FTO: variants seen among roughly 807,000 people sequenced by gnomAD.
The protein encoded by FTO is alpha-ketoglutarate-dependent dioxygenase FTO.
Under a neutral mutation model 63.9 loss-of-function variants are expected in FTO, and 47 were observed. The observed-to-expected ratio is 0.74, with a 90% CI of 0.58 to 0.94. FTO has a LOEUF of 0.94. Ranked by LOEUF, FTO falls within the 40% of genes least tolerant of loss-of-function variation. The pLI, the probability that FTO is intolerant of heterozygous loss-of-function variation, is 0.00. For synonymous variants in FTO, 207 were observed against 224.4 expected, an observed-to-expected ratio of 0.92 and a Z score of 0.69; for missense variants, 562 against 618.1, an observed-to-expected ratio of 0.91 and a Z score of 0.96.
chr16:53,706,005 G>A (rs2075609226), intron 1 of FTO, among the ~76,000 whole-genome samples: 1 of 152,110 alleles, frequency 6.6e-6, no homozygotes. Flanking sequence ...TAGGTAAATC[G>A]TGACTTGCCC....
chr16:53,712,762 T>G (rs2075805280), intron 1 of FTO, among the ~76,000 whole-genome samples: 1 of 152,150 alleles, frequency 6.6e-6, no homozygotes, highest in African/African-American at 2.4e-5. Flanking sequence ...AAAGGAGACA[T>G]TAATAAGTAT....
intron 8 of FTO, among the ~76,000 whole-genome samples, chr16:53,994,852 G>A (rs2083898616): frequency 6.6e-6 from 1 of 151,852 alleles, no homozygotes; most frequent in Admixed American, 6.6e-5. Context: ...TCGTGCCTCA[G>A]CCTCCCGAGT....
At chr16:53,868,348 C>T (rs1420395105) in intron 4 of FTO, among the ~76,000 whole-genome samples, 1 of 152,046 alleles carries the variant, frequency 6.6e-6, no homozygotes, top group African/African-American at 2.4e-5. Context: ...ATATCAATTA[C>T]ATATGTATTT....
chr16:53,793,031 G>A (rs1447759367), intron 1 of FTO, among the ~76,000 whole-genome samples: 1 of 152,176 alleles, frequency 6.6e-6, no homozygotes, highest in Admixed American at 6.5e-5. Context: ...AGAATTACTT[G>A]GAGCTGGCTC....
At chr16:53,996,977 G>A (rs1025695308) in intron 8 of FTO, among the ~76,000 whole-genome samples, 1 of 152,066 alleles carries the variant, frequency 6.6e-6, no homozygotes, top group Non-Finnish European at 1.5e-5. Context: ...GCCTGGCGTG[G>A]TGGCGGGTGC....
At chr16:53,760,488 T>A (rs1187262095) in intron 1 of FTO, among the ~76,000 whole-genome samples, 1 of 151,920 alleles carries the variant, frequency 6.6e-6, no homozygotes, top group East Asian at 1.9e-4. Flanking sequence ...TCAAGCCGTC[T>A]GCCCGCACTG....
intron 4 of FTO, among the ~76,000 whole-genome samples, chr16:53,863,639 A>G (rs1311197008): frequency 6.6e-6 from 1 of 152,172 alleles, no homozygotes; most frequent in Admixed American, 6.5e-5. Flanking sequence ...TGTGAGTATC[A>G]CAGGTTATGT....
chr16:53,813,777 C>G (rs895308382), intron 2 of FTO, among the ~76,000 whole-genome samples: 1 of 152,142 alleles, frequency 6.6e-6, no homozygotes, highest in African/African-American at 2.4e-5. Context: ...ATGTTTTATG[C>G]ATGCTCTCAC....
At chr16:54,078,768 A>G (rs1369693507) in intron 8 of FTO, among the ~76,000 whole-genome samples, 1 of 152,184 alleles carries the variant, frequency 6.6e-6, no homozygotes, top group African/African-American at 2.4e-5. Flanking sequence ...TTTAAACTCT[A>G]AAACAGAAAG....
At chr16:53,840,123 T>C (rs2079432138) in intron 3 of FTO, among the ~76,000 whole-genome samples, 1 of 152,052 alleles carries the variant, frequency 6.6e-6, no homozygotes, top group Non-Finnish European at 1.5e-5. Context: ...CTTTTTAATT[T>C]TGTGTGGACT....
chr16:53,754,509 A>G (rs1157850175), intron 1 of FTO, among the ~76,000 whole-genome samples: 1 of 152,182 alleles, frequency 6.6e-6, no homozygotes, highest in Non-Finnish European at 1.5e-5. Flanking sequence ...ACGGTGGCGG[A>G]TGCCTATAAT....
intron 8 of FTO, among the ~76,000 whole-genome samples, chr16:53,963,228 C>G (rs1231719404): frequency 6.6e-6 from 1 of 152,102 alleles, no homozygotes; most frequent in African/African-American, 2.4e-5. Flanking sequence ...ATTTCAGACC[C>G]AGAACTAATT....
intron 8 of FTO, among the ~76,000 whole-genome samples, chr16:53,968,653 A>C (rs1159060128): frequency 6.6e-6 from 1 of 152,204 alleles, no homozygotes; most frequent in Non-Finnish European, 1.5e-5. Context: ...AGGCAGGTAT[A>C]ACACATGCTG....
chr16:53,852,725 A>T (rs895190192), intron 4 of FTO, among the ~76,000 whole-genome samples: 16 of 152,370 alleles, frequency 1.1e-4, no homozygotes, highest in African/African-American at 2.9e-4. Flanking sequence ...TTTATACTTA[A>T]TCAAAAGCTC....
intron 7 of FTO, among the ~76,000 whole-genome samples, chr16:53,905,777 C>T (rs1355550889): frequency 1.3e-5 from 2 of 152,118 alleles, no homozygotes; most frequent in Admixed American, 1.3e-4. Flanking sequence ...GTTCTTGGTG[C>T]CTGAAACAAA....
intron 7 of FTO, among the ~76,000 whole-genome samples, chr16:53,899,268 A>C (rs565225015): frequency 1.4e-4 from 22 of 151,994 alleles, no homozygotes; most frequent in African/African-American, 5.1e-4. Context: ...GTAGGTTATT[A>C]GTTTCCCAGA....
chr16:53,863,579 A>G (rs1424590727), intron 4 of FTO, among the ~76,000 whole-genome samples: 1 of 152,196 alleles, frequency 6.6e-6, no homozygotes, highest in Non-Finnish European at 1.5e-5. Flanking sequence ...TGTTTCTGCA[A>G]TGCCTGGTAC....
chr16:54,036,672 G>A (rs2084946812), intron 8 of FTO, among the ~76,000 whole-genome samples: 1 of 152,206 alleles, frequency 6.6e-6, no homozygotes, highest in South Asian at 2.1e-4. Context: ...TTCTGGCTCA[G>A]CCAGTATATT....
chr16:54,050,902 A>G (rs1263558114), intron 8 of FTO, among the ~76,000 whole-genome samples: 1 of 152,226 alleles, frequency 6.6e-6, no homozygotes, highest in East Asian at 1.9e-4. Flanking sequence ...AAAAAAGTCA[A>G]TGTGAACTGA....
Sources: gnomAD v4.1 joint callset for allele counts (sites outside exome capture counted in the v4.1 genomes callset) on GRCh38, gnomAD v4.1.1 for gene constraint, MANE v1.5 for transcripts, NCBI Gene and HGNC (gene_info 2026-07-23, HGNC 2026-07-21) for gene names.